Variants in NRXN1 observed in about 807,000 individuals in gnomAD.
The protein encoded by NRXN1 is neurexin 1, also known as neurexin-1.
A neutral mutation model predicts 150.9 loss-of-function variants in NRXN1; 39 were observed. The ratio of observed to expected loss-of-function variants is 0.26; its 90% CI spans 0.20 to 0.34. The LOEUF (loss-of-function observed/expected upper bound fraction) is 0.34. Among genes scored for constraint, NRXN1 ranks in the 10% least tolerant of loss-of-function variants. The pLI is 1.00. For synonymous variants in NRXN1, 924 were observed against 757.0 expected, an observed-to-expected ratio of 1.22 and a Z score of -3.62; for missense variants, 1,815 against 1,949.9, an observed-to-expected ratio of 0.93 and a Z score of 1.30.
chr2:50,195,839 A>T (rs2152827878), intron 18 of NRXN1, among the ~76,000 whole-genome samples: 1 of 152,248 alleles, frequency 6.6e-6, no homozygotes, highest in African/African-American at 2.4e-5. Flanking sequence ...ATATAATATT[A>T]TCATAGTTTC....
At chr2:50,572,331 A>G (rs1297719995) in intron 8 of NRXN1, among the ~76,000 whole-genome samples, 2 of 152,182 alleles carry the variant, frequency 1.3e-5, no homozygotes, top group Admixed American at 1.3e-4. Context: ...ATCCTCTCCA[A>G]TGCGCTCTGG....
intron 15 of NRXN1, among the ~76,000 whole-genome samples, chr2:50,494,259 A>G (rs939409206): frequency 3.9e-5 from 6 of 152,168 alleles, no homozygotes; most frequent in African/African-American, 1.4e-4. Flanking sequence ...AATTTCCAAC[A>G]GAGTATCCCT....
intron 2 of NRXN1, among the ~76,000 whole-genome samples, chr2:50,995,448 T>A (rs757539642): frequency 2.0e-5 from 3 of 151,598 alleles, no homozygotes; most frequent in Non-Finnish European, 2.9e-5. Context: ...ACACAACAAA[T>A]ACAAAAATTA....
chr2:50,742,653 T>C (rs1179517551), intron 5 of NRXN1, among the ~76,000 whole-genome samples: 15 of 151,634 alleles, frequency 9.9e-5, no homozygotes, highest in South Asian at 2.1e-4. Context: ...TATATGATTA[T>C]AGGCAAATTA....
At chr2:50,810,011 A>G (rs898801742) in intron 5 of NRXN1, among the ~76,000 whole-genome samples, 1 of 152,188 alleles carries the variant, frequency 6.6e-6, no homozygotes, top group East Asian at 1.9e-4. Flanking sequence ...CGCCTCTTCA[A>G]TATAGTCACG....
At chr2:50,329,609 GTGTGTGTGTATATATATA>G (rs2076635540) in intron 17 of NRXN1, among the ~76,000 whole-genome samples, 2 of 24,772 alleles carry the variant, frequency 8.1e-5, no homozygotes. Context: ...GTGTGTGTGT[GTGTGTGTGTATATATATA>G]TATATATATA....
intron 5 of NRXN1, among the ~76,000 whole-genome samples, chr2:50,698,317 G>T (rs1001645049): frequency 6.6e-6 from 1 of 152,180 alleles, no homozygotes; most frequent in African/African-American, 2.4e-5. Flanking sequence ...ATATACAACG[G>T]TGCTGTCTAG....
chr2:50,370,474 C>T (rs1173987848), intron 17 of NRXN1, among the ~76,000 whole-genome samples: 1 of 151,938 alleles, frequency 6.6e-6, no homozygotes, highest in African/African-American at 2.4e-5. Flanking sequence ...TAGAATGATG[C>T]TTTCTGGCAT....
intron 19 of NRXN1, among the ~76,000 whole-genome samples, chr2:50,061,290 T>G (rs150178029): frequency 6.6e-6 from 1 of 152,348 alleles, no homozygotes; most frequent in Admixed American, 6.5e-5. Flanking sequence ...ACCATTTGAT[T>G]GGGAAAGGTC....
chr2:50,280,721 T>C (rs2071313563), intron 17 of NRXN1, among the ~76,000 whole-genome samples: 1 of 152,168 alleles, frequency 6.6e-6, no homozygotes, highest in Admixed American at 6.5e-5. Context: ...CTGACGGCGC[T>C]CTAATTGATA....
intron 5 of NRXN1, among the ~76,000 whole-genome samples, chr2:50,759,370 C>T (rs1282201806): frequency 6.6e-6 from 1 of 151,738 alleles, no homozygotes; most frequent in African/African-American, 2.4e-5. Flanking sequence ...CTTAAAAAGC[C>T]ATGTATCTTT....
chr2:49,929,598 C>T (rs1353359488), intron 22 of NRXN1, among the ~76,000 whole-genome samples: 3 of 152,124 alleles, frequency 2.0e-5, no homozygotes, highest in Non-Finnish European at 4.4e-5. Flanking sequence ...TTATTGCTGT[C>T]CCCAACTCCT....
In NRXN1 at chr2:50,945,569, T is replaced by C. The variant is rs947763357; in HGVS notation, c.773-19614A>G. ...GTTGCAATAAAACTTTATCAAAAAA[T>C]AGGTAATGAGCCAGATTTGGCCTAT... On this transcript the variant is annotated intron_variant, in intron 2 of 22. Coordinates refer to ENST00000401669, the MANE Select transcript of NRXN1 (RefSeq NM_001330078.2). Among the ~76,000 whole-genome samples, 66 of 151,854 alleles carry C rather than the reference T, an allele frequency of 4.3e-4. 1 individual carries two copies. The highest frequency in any genetic ancestry group is 3.4e-3 in the Middle Eastern group (1 of 294).
At chr2:50,739,303 T>C (rs750579374) in intron 5 of NRXN1, 6 of 479,910 alleles carry the variant, frequency 1.3e-5, no homozygotes, top group South Asian at 9.3e-5. Context: ...GATTTCAACA[T>C]ACCTCCATTA....
intron 17 of NRXN1, among the ~76,000 whole-genome samples, chr2:50,293,242 T>C (rs2073156488): frequency 6.6e-6 from 1 of 152,050 alleles, no homozygotes; most frequent in Non-Finnish European, 1.5e-5. Flanking sequence ...TGGACTTCAG[T>C]TGTCACATCT....
At chr2:50,463,309 T>C (rs918666730) in intron 17 of NRXN1, among the ~76,000 whole-genome samples, 3 of 151,884 alleles carry the variant, frequency 2.0e-5, no homozygotes, top group Admixed American at 1.3e-4. Flanking sequence ...CTACCAATTA[T>C]AATTGATACA....
intron 5 of NRXN1, among the ~76,000 whole-genome samples, chr2:50,807,531 A>G (rs1042865144): frequency 1.3e-5 from 2 of 152,182 alleles, no homozygotes; most frequent in Admixed American, 6.5e-5. Flanking sequence ...CTGAAAGTGC[A>G]TGAATGGAAG....
intron 5 of NRXN1, among the ~76,000 whole-genome samples, chr2:50,679,294 G>C (rs1178675393): frequency 6.6e-6 from 1 of 152,128 alleles, no homozygotes; most frequent in Admixed American, 6.6e-5. Context: ...ATGGGACAAA[G>C]GCTGAGGTCC....
At chr2:51,003,605 G>T (rs186226282) in intron 2 of NRXN1, among the ~76,000 whole-genome samples, 1 of 152,008 alleles carries the variant, frequency 6.6e-6, no homozygotes, top group Admixed American at 6.6e-5. Flanking sequence ...AAGGCAGACT[G>T]GGCAAAAGAT....
Sources: allele counts gnomAD v4.1 joint callset (sites outside exome capture counted in the v4.1 genomes callset), GRCh38; gene constraint gnomAD v4.1.1; transcripts MANE v1.5; gene names NCBI Gene and HGNC (gene_info 2026-07-23, HGNC 2026-07-21).